The following KCNH8 variants were observed in gnomAD, a reference collection of about 807,000 sequenced individuals.
KCNH8 encodes voltage-gated delayed rectifier potassium channel KCNH8.
A neutral mutation model predicts 103.6 loss-of-function variants in KCNH8; 70 were observed. That is an observed-to-expected ratio of 0.68 (90% CI 0.56 to 0.82). KCNH8 has a LOEUF of 0.82. Among genes scored for constraint, KCNH8 ranks in the 40% least tolerant of loss-of-function variants. The probability of loss-of-function intolerance (pLI) is 0.00; values close to 1 mark genes in which losing one functional copy is unlikely to be tolerated. For synonymous variants in KCNH8, 498 were observed against 489.4 expected (o/e 1.02, Z -0.23); for missense variants, 1,217 against 1,329.9 (o/e 0.92, Z 1.32).
rs538019287 is a variant in KCNH8 at position 19,484,341 on chromosome 3, C to T, written c.2041-26022C>T. ...TAGAACAGAAAGATTGTTTTACTTT[C>T]TTGTCTTACCTCAGTAACCTGATGT... On this transcript the variant is annotated intron_variant, in intron 11 of 15. Coordinates refer to ENST00000328405, the MANE Select transcript of KCNH8 (RefSeq NM_144633.3). Among the ~76,000 whole-genome samples, 6 of 152,304 alleles carry T rather than the reference C, an allele frequency of 3.9e-5. No individual in the cohort carries two copies. In the South Asian group the frequency reaches 1.2e-3, roughly 32 times the overall value.
chr3:19,389,577 A>C (rs545882685), intron 5 of KCNH8, among the ~76,000 whole-genome samples: 2 of 152,250 alleles, frequency 1.3e-5, no homozygotes, highest in South Asian at 4.1e-4. Flanking sequence ...ACATGGAAAT[A>C]AGTAATATTA....
At chr3:19,255,875 A>T (rs2064340378) in intron 2 of KCNH8, among the ~76,000 whole-genome samples, 1 of 152,168 alleles carries the variant, frequency 6.6e-6, no homozygotes, top group Admixed American at 6.6e-5. Flanking sequence ...GGACAATAAC[A>T]TAATGAAATG....
intron 3 of KCNH8, among the ~76,000 whole-genome samples, chr3:19,336,775 A>C (rs1476033181): frequency 6.6e-6 from 1 of 151,980 alleles, no homozygotes; most frequent in Admixed American, 6.6e-5. Context: ...TTGCATCTTG[A>C]ACTAGAAGTT....
chr3:19,251,321 A>C (rs1449804950), intron 1 of KCNH8, among the ~76,000 whole-genome samples: 5 of 151,716 alleles, frequency 3.3e-5, no homozygotes, highest in Non-Finnish European at 7.4e-5. Context: ...AGGGTAATGC[A>C]CCTCACTCCT....
At chr3:19,246,265 G>GTTGTTGTTGT in intron 1 of KCNH8, among the ~76,000 whole-genome samples, 1 of 126,050 alleles carries the variant, frequency 7.9e-6, no homozygotes, top group South Asian at 2.6e-4. Flanking sequence ...AAGTTTTTTT[G>GTTGTTGTTGT]TTGTTGTTGT....
chr3:19,485,621 C>T (rs1453515595), intron 11 of KCNH8, among the ~76,000 whole-genome samples: 4 of 152,134 alleles, frequency 2.6e-5, no homozygotes, highest in Non-Finnish European at 5.9e-5. Flanking sequence ...ATTACTTGCC[C>T]CCTTTCTGCA....
chr3:19,191,093 CT>C (rs1405777350), intron 1 of KCNH8, among the ~76,000 whole-genome samples: 1 of 151,782 alleles, frequency 6.6e-6, no homozygotes, highest in Non-Finnish European at 1.5e-5. Flanking sequence ...CATCTTGAAA[CT>C]TTCACAGAAA....
intron 1 of KCNH8, among the ~76,000 whole-genome samples, chr3:19,167,743 G>A (rs2063299669): frequency 6.6e-6 from 1 of 152,164 alleles, no homozygotes; most frequent in Non-Finnish European, 1.5e-5. Context: ...AATTACAGAT[G>A]CCCTGCGTCC....
intron 7 of KCNH8, among the ~76,000 whole-genome samples, chr3:19,400,884 G>T (rs1354594063): frequency 6.6e-6 from 1 of 151,808 alleles, no homozygotes; most frequent in East Asian, 1.9e-4. Context: ...TCCTAAAGAA[G>T]GTTGAATTTA....
At chr3:19,490,555 A>G (rs903002504) in intron 11 of KCNH8, among the ~76,000 whole-genome samples, 9 of 151,940 alleles carry the variant, frequency 5.9e-5, no homozygotes, top group Non-Finnish European at 1.2e-4. Flanking sequence ...CGATTAGGTC[A>G]GGGGTCGATC....
rs142991127 is a variant in KCNH8, at chr3:19,346,543, G to A, written c.571-1182G>A. ...TTGAAAATACCTACCAAAGAGAAAT[G>A]CCAGACAGGGGTGCGTTAATATTAA... On this transcript the variant is annotated intron_variant, in intron 4 of 15. Transcript: ENST00000328405. The A allele has an allele frequency of 7.7e-4, 342 of 443,352 alleles. 2 individuals carry two copies. The highest frequency in any genetic ancestry group is 5.3e-3 in the Admixed American group (219 of 41,058). 27.5% of individuals were successfully genotyped at this position (443,352 alleles called of 1,614,324 possible). A position where few individuals can be genotyped will look rare whatever the true frequency, so the allele number is the denominator to read the frequency against.
In KCNH8 at chr3:19,535,326, C is replaced by T. The variant is rs1332847826; in HGVS notation, c.*1227C>T. 2.0e-5 allele frequency: 3 copies of T among 152,194 alleles called. No individual in the cohort carries two copies. The highest frequency in any genetic ancestry group is 4.8e-5 in the African/African-American group (2 of 41,444). 9.4% of individuals were successfully genotyped at this position (152,194 alleles called of 1,614,324 possible). ...TTTTTCTTTAAGGCTCCCAACAATG[C>T]TATACAGCGCAGTTGTTTCCATTCC... On this transcript the variant is annotated 3_prime_UTR_variant, in exon 16 of 16. Coordinates refer to ENST00000328405, the MANE Select transcript of KCNH8 (RefSeq NM_144633.3).
intron 3 of KCNH8, among the ~76,000 whole-genome samples, chr3:19,292,236 T>C (rs2064938837): frequency 6.6e-6 from 1 of 152,210 alleles, no homozygotes; most frequent in South Asian, 2.1e-4. Flanking sequence ...CAACATCAGT[T>C]ATCATAGAAT....
intron 5 of KCNH8, among the ~76,000 whole-genome samples, chr3:19,355,525 C>G (rs1248094754): frequency 6.6e-6 from 1 of 152,074 alleles, no homozygotes; most frequent in Non-Finnish European, 1.5e-5. Flanking sequence ...AAATGTGGCA[C>G]ATATACAACA....
At chr3:19,507,374 C>G (rs557842490) in intron 11 of KCNH8, among the ~76,000 whole-genome samples, 6 of 152,304 alleles carry the variant, frequency 3.9e-5, no homozygotes, top group Non-Finnish European at 7.4e-5. Flanking sequence ...GGAGGCTGAT[C>G]TGTGGTCCGG....
intron 3 of KCNH8, among the ~76,000 whole-genome samples, chr3:19,316,403 C>A (rs1416202496): frequency 6.6e-6 from 1 of 151,820 alleles, no homozygotes; most frequent in Non-Finnish European, 1.5e-5. Flanking sequence ...ACAACCAGGC[C>A]ATAACTCTAT....
intron 1 of KCNH8, among the ~76,000 whole-genome samples, chr3:19,250,335 A>G (rs1445817299): frequency 6.6e-6 from 1 of 152,208 alleles, no homozygotes; most frequent in African/African-American, 2.4e-5. Flanking sequence ...CCAATGTAAT[A>G]TACTTATAAT....
At chr3:19,191,728 G>A (rs369025562) in intron 1 of KCNH8, among the ~76,000 whole-genome samples, 2 of 151,724 alleles carry the variant, frequency 1.3e-5, no homozygotes, top group Middle Eastern at 3.4e-3. Context: ...TGCATTCTGC[G>A]GGGAGGTCCC....
chr3:19,267,577 C>T lies in KCNH8; in HGVS notation c.311-13621C>T, dbSNP rs374334829. Among the ~76,000 whole-genome samples the T allele has an allele frequency of 2.0e-5, 3 of 151,944 alleles. No individual in the cohort carries two copies. The South Asian group carries it at 6.2e-4, about 32-fold the overall frequency. ...AATGTGACCTTTGTGTGTGAAGGCTCGAGTTTGAGTCCTTGCACAGTCACC... is the reference window on the plus strand; with the variant it reads ...AATGTGACCTTTGTGTGTGAAGGCTTGAGTTTGAGTCCTTGCACAGTCACC... On this transcript the variant is annotated intron_variant, in intron 2 of 15. Transcript: ENST00000328405.
Sources: gnomAD v4.1 joint callset for allele counts (sites outside exome capture counted in the v4.1 genomes callset) on GRCh38, gnomAD v4.1.1 for gene constraint, MANE v1.5 for transcripts, NCBI Gene and HGNC (gene_info 2026-07-23, HGNC 2026-07-21) for gene names.